The following CPNE8 variants were observed in gnomAD, a reference collection of about 807,000 sequenced individuals.
The protein encoded by CPNE8 is copine-8.
Under a neutral mutation model 81.5 loss-of-function variants are expected in CPNE8, and 45 were observed. The observed-to-expected ratio is 0.55, with a 90% CI of 0.44 to 0.71. The LOEUF (loss-of-function observed/expected upper bound fraction) is 0.71. CPNE8 is among the 30% of genes least tolerant of loss of function. The probability of loss-of-function intolerance (pLI) is 0.00; values close to 1 mark genes in which losing one functional copy is unlikely to be tolerated. For synonymous variants in CPNE8, 252 were observed against 226.3 expected (o/e 1.11, Z -1.02); for missense variants, 594 against 672.1 (o/e 0.88, Z 1.28).
intron 6 of CPNE8, among the ~76,000 whole-genome samples, chr12:38,809,510 A>G (rs1359040436): frequency 1.3e-5 from 2 of 152,226 alleles, no homozygotes; most frequent in East Asian, 3.8e-4. Context: ...TTACATCTGC[A>G]AAGTTCCTTT....
chr12:38,832,276 C>A (rs1373719999), intron 5 of CPNE8, among the ~76,000 whole-genome samples: 1 of 152,112 alleles, frequency 6.6e-6, no homozygotes, highest in Non-Finnish European at 1.5e-5. Flanking sequence ...TGTGGCTTGA[C>A]ATACACTATG....
chr12:38,859,805 T>C (rs1943802976), intron 3 of CPNE8, among the ~76,000 whole-genome samples: 1 of 152,122 alleles, frequency 6.6e-6, no homozygotes. Context: ...AGGGTGTCAA[T>C]GGGGAAGAGA....
chr12:38,658,562 C>T (rs2136631820), intron 19 of CPNE8, among the ~76,000 whole-genome samples: 1 of 152,226 alleles, frequency 6.6e-6, no homozygotes, highest in South Asian at 2.1e-4. Flanking sequence ...CCAAAAGGTA[C>T]TCCTCAAGAA....
intron 1 of CPNE8, among the ~76,000 whole-genome samples, chr12:38,883,323 A>AGT (rs1447896483): frequency 2.6e-5 from 4 of 152,224 alleles, no homozygotes; most frequent in African/African-American, 9.6e-5. Context: ...ATTCAGAACA[A>AGT]AATGAAATGA....
At chr12:38,692,157 T>C (rs1321767166) in intron 15 of CPNE8, among the ~76,000 whole-genome samples, 1 of 151,970 alleles carries the variant, frequency 6.6e-6, no homozygotes, top group East Asian at 1.9e-4. Flanking sequence ...CCAGGTGTTA[T>C]GCATGCCTGT....
intron 14 of CPNE8, among the ~76,000 whole-genome samples, chr12:38,695,180 G>A (rs1939766854): frequency 6.6e-6 from 1 of 152,148 alleles, no homozygotes; most frequent in South Asian, 2.1e-4. Flanking sequence ...ACTTGCAATT[G>A]TAAATTCTTC....
At chr12:38,704,449 C>A (rs960227476) in intron 13 of CPNE8, among the ~76,000 whole-genome samples, 1 of 151,908 alleles carries the variant, frequency 6.6e-6, no homozygotes, top group Non-Finnish European at 1.5e-5. Flanking sequence ...AAATATGTTA[C>A]AAAATGCTCC....
chr12:38,742,899 T>C (rs1287608690), intron 10 of CPNE8, among the ~76,000 whole-genome samples: 1 of 152,008 alleles, frequency 6.6e-6, no homozygotes, highest in African/African-American at 2.4e-5. Context: ...GCATGATCCG[T>C]AAACATTTTT....
rs751832751 is a variant in CPNE8 at position 38,767,716 on chromosome 12, C to T, written c.494G>A (p.Cys165Tyr). 6.4e-7 allele frequency: 1 copy of T among 1,552,658 alleles called. No individual in the cohort carries two copies. The highest frequency in any genetic ancestry group is 2.5e-5 in the East Asian group (1 of 40,522). The change falls in exon 8 of 20, where the codon TGT becomes TAT. Residue 165 changes from cysteine (C) to tyrosine (Y), a missense_variant. Physicochemically the swap from Cys to Tyr is radical, Grantham distance 194. Transcript: ENST00000331366. ...CCRDAVLMQF[C>Y]ANKLDKKDFF... ...GTCCTTCTTGTCCAATTTGTTCGCA[C>T]AAAATTGCATCAAAACGGCATCCTA...
At chr12:38,844,399 G>A (rs940888231) in intron 4 of CPNE8, among the ~76,000 whole-genome samples, 4 of 152,096 alleles carry the variant, frequency 2.6e-5, no homozygotes, top group African/African-American at 9.6e-5. Context: ...GGATTTATTA[G>A]GAACCTGTAT....
At chr12:38,842,447 C>T (rs1274773802) in intron 4 of CPNE8, among the ~76,000 whole-genome samples, 1 of 151,990 alleles carries the variant, frequency 6.6e-6, no homozygotes, top group Non-Finnish European at 1.5e-5. Context: ...AAATACAATC[C>T]TCTTTCACTG....
intron 6 of CPNE8, among the ~76,000 whole-genome samples, chr12:38,801,912 G>A (rs1942682056): frequency 1.1e-5 from 1 of 87,134 alleles, no homozygotes; most frequent in Non-Finnish European, 2.4e-5. Flanking sequence ...AGACAAAGAA[G>A]CCCATTACAT....
rs182443264 is a variant in CPNE8 at position 38,772,194 on chromosome 12, T to C, written c.471+4044A>G. 1.3e-3 allele frequency among the ~76,000 whole-genome samples: 199 copies of C among 152,268 alleles called. 1 individual carries two copies. Among genetic ancestry groups the C allele is most frequent in the African/African-American group, 4.5e-3 (188 of 41,556 alleles). On this transcript the variant is annotated intron_variant, in intron 7 of 19. Coordinates refer to ENST00000331366, the MANE Select transcript of CPNE8 (RefSeq NM_153634.3). ...TTCTCTGCCACAATGTGAAACAGTA[T>C]GAAAGCCCTTACCACAAGCCAGTAC...
intron 17 of CPNE8, among the ~76,000 whole-genome samples, chr12:38,676,649 A>G (rs528635659): frequency 6.6e-6 from 1 of 152,344 alleles, no homozygotes; most frequent in African/African-American, 2.4e-5. Context: ...ATTTCATGTT[A>G]TAACATGTTT....
At chr12:38,843,677 C>G (rs557215054) in intron 4 of CPNE8, among the ~76,000 whole-genome samples, 1 of 152,188 alleles carries the variant, frequency 6.6e-6, no homozygotes, top group East Asian at 1.9e-4. Flanking sequence ...AGAATAATGT[C>G]CTTTTTGGCC....
chr12:38,741,263 G>A (rs1010362572), intron 10 of CPNE8, among the ~76,000 whole-genome samples: 44 of 152,110 alleles, frequency 2.9e-4, no homozygotes, highest in African/African-American at 9.7e-4. Flanking sequence ...GAGGCATCAT[G>A]CTACCTGACT....
chr12:38,849,650 C>A (rs950330947), intron 3 of CPNE8, among the ~76,000 whole-genome samples: 28 of 152,320 alleles, frequency 1.8e-4, no homozygotes, highest in African/African-American at 6.7e-4. Context: ...ACTAAGGCTA[C>A]TTCCAATGGA....
rs554540062 is a variant in CPNE8, at chr12:38,820,568, A to T, written c.407+8811T>A. Among the ~76,000 whole-genome samples, 4 of 152,300 alleles carry T rather than the reference A, an allele frequency of 2.6e-5. No individual in the cohort carries two copies. The South Asian group carries it at 8.3e-4, about 32-fold the overall frequency. On this transcript the variant is annotated intron_variant, in intron 6 of 19. Transcript: ENST00000331366. ...AGTATCAAATAAAACTAACCTGTTT[A>T]TTAGCTTTATTTGAGTGAAACTGAG...
chr12:38,715,310 G>C (rs77167870), intron 13 of CPNE8, among the ~76,000 whole-genome samples: 4,748 of 152,114 alleles, frequency 0.031, 222 homozygotes, highest in East Asian at 0.13. Flanking sequence ...TAAGTATTTG[G>C]ATTAAGCAGA....
Sources: gnomAD v4.1 joint callset for allele counts (sites outside exome capture counted in the v4.1 genomes callset) on GRCh38, gnomAD v4.1.1 for gene constraint, MANE v1.5 for transcripts, NCBI Gene and HGNC (gene_info 2026-07-23, HGNC 2026-07-21) for gene names.